The following RNF24 variants were observed in gnomAD, a reference collection of about 807,000 sequenced individuals.
The protein encoded by RNF24 is ring finger protein 24.
A neutral mutation model predicts 20.0 loss-of-function variants in RNF24; 14 were observed. The observed-to-expected ratio is 0.70, with a 90% CI of 0.46 to 1.10. RNF24 has a LOEUF of 1.10. Among genes scored for constraint, RNF24 ranks in the 50% least tolerant of loss-of-function variants. The probability of loss-of-function intolerance (pLI) is 0.00; values close to 1 mark genes in which losing one functional copy is unlikely to be tolerated. For synonymous variants in RNF24, 45 were observed against 61.1 expected, an observed-to-expected ratio of 0.74 and a Z score of 1.23; for missense variants, 124 against 177.6, an observed-to-expected ratio of 0.70 and a Z score of 1.71.
At chr20:3,987,948 A>T (rs1286787167) in intron 1 of RNF24, among the ~76,000 whole-genome samples, 1 of 152,178 alleles carries the variant, frequency 6.6e-6, no homozygotes, top group Non-Finnish European at 1.5e-5. Context: ...AATTTTCCAG[A>T]TGTATAGGTA....
intron 3 of RNF24, among the ~76,000 whole-genome samples, chr20:3,947,553 C>T (rs1454217321): frequency 6.6e-6 from 1 of 152,088 alleles, no homozygotes; most frequent in African/African-American, 2.4e-5. Context: ...CACAGCTGGT[C>T]GCTCACCTCC....
Position 3,931,813 on chromosome 20 carries a change from GCTCTC to G in RNF24, c.*2245_*2249del. 1 of 152,264 alleles carries G rather than the reference GCTCTC, an allele frequency of 6.6e-6. No individual in the cohort carries two copies. Among genetic ancestry groups the G allele is most frequent in the East Asian group, 1.9e-4 (1 of 5,196 alleles). The allele number at this position is 152,264 out of a possible 1,614,324, so 9.4% of individuals were successfully genotyped here. On this transcript the variant is annotated 3_prime_UTR_variant, in exon 6 of 6. Coordinates refer to ENST00000358395, the MANE Select transcript of RNF24 (RefSeq NM_001134337.3). ...AGTGCAGAGTGCAGAGCATTCTTGTGCTCTCCTCTCATGGCTGGAACTATCTGGGC... is the reference window on the plus strand; with the variant it reads ...AGTGCAGAGTGCAGAGCATTCTTGTGCTCTCATGGCTGGAACTATCTGGGC...
Position 4,008,370 on chromosome 20 carries a change from T to TA in RNF24, c.-8+7066_-8+7067insT, listed in dbSNP as rs548795641. On this transcript the variant is annotated intron_variant, in intron 1 of 5. Coordinates refer to ENST00000358395, the MANE Select transcript of RNF24 (RefSeq NM_001134337.3). ...ACATGTAATATGTATAATATATATA[T>TA]TATATATATAATATATATATTATAT... is the stretch of plus-strand genomic sequence containing the variant. Among the ~76,000 whole-genome samples the TA allele has an allele frequency of 1.1e-4, 4 of 35,348 alleles. No individual in the cohort carries two copies. The East Asian group carries it at 1.3e-3, about 12-fold the overall frequency. 23.2% of individuals were successfully genotyped at this position (35,348 alleles called of 152,430 possible).
At chr20:3,967,107 C>T (rs2091266707) in intron 1 of RNF24, among the ~76,000 whole-genome samples, 1 of 152,120 alleles carries the variant, frequency 6.6e-6, no homozygotes, top group South Asian at 2.1e-4. Context: ...GATGTTAATC[C>T]TGATCCAGTG....
chr20:3,986,449 T>A (rs1402343252), intron 1 of RNF24, among the ~76,000 whole-genome samples: 2 of 151,960 alleles, frequency 1.3e-5, no homozygotes, highest in African/African-American at 2.4e-5. Context: ...AGAGATGGGG[T>A]TTAACCATGT....
intron 2 of RNF24, among the ~76,000 whole-genome samples, chr20:3,954,878 G>A (rs551191268): frequency 1.4e-5 from 2 of 145,990 alleles, no homozygotes; most frequent in East Asian, 3.9e-4. Flanking sequence ...TAGCCCGGGT[G>A]ACAGTGCGAG....
At chr20:3,974,434 A>G (rs1263787537) in intron 1 of RNF24, 1 of 1,522,766 alleles carries the variant, frequency 6.6e-7, no homozygotes, top group Non-Finnish European at 8.8e-7. Context: ...AAGGGAATAA[A>G]AGGCATACAC....
At position 3,931,005 on chromosome 20, in the gene RNF24, AAAG is replaced by A. The variant is rs2146928718; in HGVS notation, c.*3055_*3057del. The A allele has an allele frequency of 6.6e-6, 1 of 152,384 alleles. No individual in the cohort carries two copies. Among genetic ancestry groups the A allele is most frequent in the Admixed American group, 6.5e-5 (1 of 15,312 alleles). 9.4% of individuals were successfully genotyped at this position (152,384 alleles called of 1,614,324 possible). On this transcript the variant is annotated 3_prime_UTR_variant, in exon 6 of 6. Transcript: ENST00000358395. ...CAGGCCTAACCAAATCACACGTGGC[AAAG>A]AAAAGCAGCAGATGTCAACTTCCTA...
chr20:4,001,693 T>C (rs909513871), intron 1 of RNF24, among the ~76,000 whole-genome samples: 1 of 152,132 alleles, frequency 6.6e-6, no homozygotes, highest in African/African-American at 2.4e-5. Context: ...CCCAGCACTT[T>C]GGCAGGCCAA....
At chr20:4,008,159 A>G (rs1172937744) in intron 1 of RNF24, among the ~76,000 whole-genome samples, 1 of 149,006 alleles carries the variant, frequency 6.7e-6, no homozygotes, top group East Asian at 1.9e-4. Flanking sequence ...CACAAAACAA[A>G]CACATGAGGT....
At chr20:4,005,010 C>G (rs920353717) in intron 1 of RNF24, among the ~76,000 whole-genome samples, 1 of 152,162 alleles carries the variant, frequency 6.6e-6, no homozygotes, top group African/African-American at 2.4e-5. Flanking sequence ...TTATCAATAG[C>G]CCTCCAGAGG....
intron 4 of RNF24, among the ~76,000 whole-genome samples, 188 bp downstream of exon 4, chr20:3,944,989 A>T (rs1041231963): frequency 2.0e-5 from 3 of 152,218 alleles, no homozygotes; most frequent in African/African-American, 7.2e-5. Flanking sequence ...TAAAAGTATG[A>T]GTTATATTAC....
At chr20:3,973,486 T>A in intron 1 of RNF24, among the ~76,000 whole-genome samples, 1 of 88,968 alleles carries the variant, frequency 1.1e-5, no homozygotes, top group African/African-American at 4.7e-5. Flanking sequence ...CTGACAAATC[T>A]CTAGGAAGAA....
intron 1 of RNF24, among the ~76,000 whole-genome samples, chr20:3,967,572 CAGCTA>C (rs1396276654): frequency 6.6e-6 from 1 of 152,192 alleles, no homozygotes; most frequent in African/African-American, 2.4e-5. Flanking sequence ...CAATACACCA[CAGCTA>C]AATGGGGCTG....
At chr20:3,946,818 A>G (rs1335666992) in intron 3 of RNF24, among the ~76,000 whole-genome samples, 1 of 152,158 alleles carries the variant, frequency 6.6e-6, no homozygotes, top group African/African-American at 2.4e-5. Context: ...GGGGTTACCT[A>G]AGGACATCAG....
intron 2 of RNF24, among the ~76,000 whole-genome samples, chr20:3,960,072 C>T (rs921186429): frequency 1.9e-4 from 29 of 152,158 alleles, no homozygotes; most frequent in African/African-American, 6.8e-4. Flanking sequence ...ATACTACAAT[C>T]CTGTGTAAGA....
At chr20:3,965,791 A>G (rs920187926) in intron 1 of RNF24, among the ~76,000 whole-genome samples, 9 of 152,120 alleles carry the variant, frequency 5.9e-5, no homozygotes, top group African/African-American at 2.2e-4. Context: ...CCTTAGAAAT[A>G]TCCCTCCCCA....
intron 4 of RNF24, among the ~76,000 whole-genome samples, chr20:3,936,248 C>T (rs563382377): frequency 2.0e-5 from 3 of 152,284 alleles, no homozygotes; most frequent in African/African-American, 7.2e-5. Flanking sequence ...GCATCCCTAC[C>T]AAGATGGCAG....
intron 1 of RNF24, among the ~76,000 whole-genome samples, chr20:4,006,368 CA>C (rs11475896): frequency 0.42 from 53,438 of 127,968 alleles, 10,259 homozygotes; most frequent in Non-Finnish European, 0.49. Context: ...GTCTCTGTCT[CA>C]AAAAAAAAAA....
Sources: allele counts gnomAD v4.1 joint callset (sites outside exome capture counted in the v4.1 genomes callset), GRCh38; gene constraint gnomAD v4.1.1; transcripts MANE v1.5; gene names NCBI Gene and HGNC (gene_info 2026-07-23, HGNC 2026-07-21).